Variants in SELENON observed in about 807,000 individuals in gnomAD.
The protein encoded by SELENON is selenoprotein N.
In SELENON, 44 loss-of-function variants were observed where a neutral mutation model predicts 59.5. The ratio of observed to expected loss-of-function variants is 0.74; its 90% CI spans 0.58 to 0.95. SELENON has a LOEUF of 0.95. Ranked by LOEUF, SELENON falls within the 40% of genes least tolerant of loss-of-function variation. The pLI is 0.00. For missense variants in SELENON, 674 were observed against 721.4 expected (o/e 0.93, Z 0.75); for synonymous variants, 320 against 305.6 (o/e 1.05, Z -0.49).
chr1:25,803,358 C>G (rs1381890153), intron 3 of SELENON, among the ~76,000 whole-genome samples: 1 of 152,012 alleles, frequency 6.6e-6, no homozygotes, highest in Non-Finnish European at 1.5e-5. Flanking sequence ...AAAAATGGAC[C>G]AAGTATTGAG....
Position 25,811,816 on chromosome 1 carries a change from G to T in SELENON, c.1218G>T (p.Gln406His). 6.3e-7 allele frequency: 1 copy of T among 1,586,320 alleles called. No individual in the cohort carries two copies. ...TTGTGTTTGAGGAGATCAAGTGGCA[G>T]CAGGAGCTGAGCTGGGAGGAGGCTG... Residue 406 changes from glutamine (Q) to histidine (H), a missense_variant, in exon 9 of 13, where the codon CAG becomes CAT. Coordinates refer to ENST00000361547, the MANE Select transcript of SELENON (RefSeq NM_020451.3).
Position 25,811,476 on chromosome 1 carries a change from T to C in SELENON, c.1033T>C (p.Trp345Arg). The change falls in exon 8 of 13, where the codon TGG becomes CGG. Residue 345 changes from tryptophan to arginine, a missense_variant. By Grantham distance (101) the Trp-to-Arg change is moderately radical (BLOSUM62 -3). Coordinates refer to ENST00000361547, the MANE Select transcript of SELENON (RefSeq NM_020451.3). The stretch of plus-strand genomic sequence containing the variant: ...CAGGTCTCTGAATGTGGACATGGAG[T>C]GGCTTTACGGGGCCAGTGAAAGCAG... 1 of 1,613,914 alleles carries C rather than the reference T, an allele frequency of 6.2e-7. No individual in the cohort carries two copies.
chr1:25,802,349 T>A (rs1163853526), intron 3 of SELENON, among the ~76,000 whole-genome samples: 1 of 152,010 alleles, frequency 6.6e-6, no homozygotes, highest in Non-Finnish European at 1.5e-5. Context: ...CAGATTTCTA[T>A]TCCATTCTTT....
At position 25,800,249 on chromosome 1, in the gene SELENON, G is replaced by T. The variant is rs1287268024; in HGVS notation, c.19G>T (p.Gly7Cys). ...CGCAGCCATGGGCCGGGCCCGGCCG[G>T]GCCAACGCGGGCCGCCCAGCCCCGG... The change falls in exon 1 of 13, where the codon GGC becomes TGC. Residue 7 changes from glycine to cysteine, a missense_variant. Transcript: ENST00000361547. 3 of 897,674 alleles carry T rather than the reference G, an allele frequency of 3.3e-6. No individual in the cohort carries two copies. The highest frequency in any genetic ancestry group is 6.4e-5 in the Admixed American group (1 of 15,578). The allele number at this position is 897,674 out of a possible 1,614,324, so 55.6% of individuals were successfully genotyped here. A position where few individuals can be genotyped will look rare whatever the true frequency, so the allele number is the denominator to read the frequency against.
chr1:25,809,150 G>A lies in SELENON; in HGVS notation c.872G>A (p.Arg291Gln), dbSNP rs199564797. 1.2e-5 allele frequency: 20 copies of A among 1,613,554 alleles called. No individual in the cohort carries two copies. The highest frequency in any genetic ancestry group is 2.7e-5 in the African/African-American group (2 of 74,942). Residue 291 changes from arginine (R) to glutamine (Q), a missense_variant and splice_region_variant, in exon 6 of 13, where the codon CGG becomes CAG. Coordinates refer to ENST00000361547, the MANE Select transcript of SELENON (RefSeq NM_020451.3). ...GACTTCTACTACACTGTGATGTTCC[G>A]GTGAGTGGGCCACACTGGCTGGCCT... is the stretch of plus-strand genomic sequence containing the variant.
rs775713184 is a variant in SELENON, at chr1:25,808,607, C to T, written c.565C>T (p.Arg189Ter). The stretch of plus-strand genomic sequence containing the variant: ...CTCCCGCCTCGCCCTGTCCGGCCTC[C>T]GAAACTGGACAGCCGCCGCCTCACC... Residue 189 changes from arginine (R) to a stop codon, truncating the protein, a stop_gained, in exon 5 of 13, where the codon CGA becomes TGA. Coordinates refer to ENST00000361547, the MANE Select transcript of SELENON (RefSeq NM_020451.3). LOFTEE classifies it high-confidence loss of function. The T allele has an allele frequency of 6.8e-6, 11 of 1,613,628 alleles. No individual in the cohort carries two copies. The East Asian group carries it at 8.9e-5, about 13-fold the overall frequency.
rs776498599 is a variant in SELENON at position 25,801,071 on chromosome 1, A to G, written c.212A>G (p.Asp71Gly). 1 of 1,614,114 alleles carries G rather than the reference A, an allele frequency of 6.2e-7. No homozygotes were observed. The highest frequency in any genetic ancestry group is 8.5e-7 in the Non-Finnish European group (1 of 1,179,996). ...CTGGCGCTGAAGACCCTGGGGACAGATGGCCTTTTTCTCTTTTCCTCCTTG... is the reference window on the plus strand; with the variant it reads ...CTGGCGCTGAAGACCCTGGGGACAGGTGGCCTTTTTCTCTTTTCCTCCTTG... Residue 71 changes from aspartate to glycine, a missense_variant, in exon 2 of 13, where the codon GAT becomes GGT. Transcript: ENST00000361547.
chr1:25,814,019 G>C (rs2047988550), intron 11 of SELENON, 26 bp downstream of exon 10: 1 of 1,612,182 alleles, frequency 6.2e-7, no homozygotes, highest in African/African-American at 1.3e-5. Context: ...GCAGGAACAG[G>C]AGCGTCCGGA....
intron 2 of SELENON, 34 bp downstream of exon 2, chr1:25,801,194 C>T (rs1413849561): frequency 6.4e-7 from 1 of 1,554,346 alleles, no homozygotes; most frequent in South Asian, 1.1e-5. Context: ...GGGAGGAGGG[C>T]GCCTTGGCCA....
chr1:25,805,432 C>T (rs1304792652), intron 4 of SELENON, among the ~76,000 whole-genome samples, 157 bp downstream of exon 3: 1 of 152,212 alleles, frequency 6.6e-6, no homozygotes, highest in Non-Finnish European at 1.5e-5. Context: ...TCCAGGCATA[C>T]AGCCTGCTGG....
chr1:25,815,519 C>T, intron 12 of SELENON, 29 bp from the exon 12 acceptor site: 1 of 1,612,746 alleles, frequency 6.2e-7, no homozygotes, highest in Non-Finnish European at 8.5e-7. Context: ...CCCCTCCGCC[C>T]CACTTGCCTC....
intron 2 of SELENON, chr1:25,801,935 A>T (rs768698537): frequency 4.7e-6 from 1 of 213,040 alleles, no homozygotes. Flanking sequence ...GTTTCAGTAG[A>T]GAAAAGAAAT....
chr1:25,803,983 A>T (rs2047881343), intron 3 of SELENON, among the ~76,000 whole-genome samples: 1 of 152,210 alleles, frequency 6.6e-6, no homozygotes, highest in African/African-American at 2.4e-5. Context: ...GATTACAGGC[A>T]TGAGCTGCCT....
At chr1:25,811,059 T>C (rs889154682) in intron 7 of SELENON, among the ~76,000 whole-genome samples, 1 of 152,226 alleles carries the variant, frequency 6.6e-6, no homozygotes, top group Non-Finnish European at 1.5e-5. Context: ...GGCTCAGATT[T>C]CCTGCTGCCC....
chr1:25,802,159 T>A (rs946602966), intron 3 of SELENON: 1 of 219,374 alleles, frequency 4.6e-6, no homozygotes, highest in African/African-American at 2.4e-5. Flanking sequence ...CCCAGCTGAT[T>A]TTTCTATTTT....
At chr1:25,810,345 C>T (rs2047947487) in intron 7 of SELENON, among the ~76,000 whole-genome samples, 3 of 152,378 alleles carry the variant, frequency 2.0e-5, no homozygotes, top group South Asian at 2.1e-4. Context: ...GACGGTGCTA[C>T]ACCAGCCACC....
rs1258100884 is a variant in SELENON, at chr1:25,817,794, T to G, written c.*2076T>G. The G allele has an allele frequency of 6.6e-6, 1 of 152,312 alleles. No individual in the cohort carries two copies. The highest frequency in any genetic ancestry group is 6.5e-5 in the Admixed American group (1 of 15,292). 9.4% of individuals were successfully genotyped at this position (152,312 alleles called of 1,614,324 possible). On this transcript the variant is annotated 3_prime_UTR_variant, in exon 13 of 13. Coordinates refer to ENST00000361547, the MANE Select transcript of SELENON (RefSeq NM_020451.3). Reference sequence around the variant, plus strand: ...TCCCCAAAGTGGAAAGGAAGGCCTTTCAAACCAGAGTGTCTCACTCCCCTC... The same window carrying G: ...TCCCCAAAGTGGAAAGGAAGGCCTTGCAAACCAGAGTGTCTCACTCCCCTC...
Position 25,815,785 on chromosome 1 carries a change from T to A in SELENON, c.*67T>A. 3 of 1,560,010 alleles carry A rather than the reference T, an allele frequency of 1.9e-6. No individual in the cohort carries two copies. Among genetic ancestry groups the A allele is most frequent in the Middle Eastern group, 3.9e-4 (2 of 5,158 alleles). On this transcript the variant is annotated 3_prime_UTR_variant, in exon 13 of 13. Transcript: ENST00000361547. ...GAGCCAGAGTGGTCCTCAGCCCATTTCAGACTGCAGATGCCGCCCACTCCC... is the reference window on the plus strand; with the variant it reads ...GAGCCAGAGTGGTCCTCAGCCCATTACAGACTGCAGATGCCGCCCACTCCC...
At chr1:25,808,958 C>A in intron 5 of SELENON, 68 bp from the exon 5 acceptor site, 1 of 1,610,444 alleles carries the variant, frequency 6.2e-7, no homozygotes. Context: ...TCTGGGCTGA[C>A]CCCCACCCCA....
Sources: gnomAD v4.1 joint callset for allele counts (sites outside exome capture counted in the v4.1 genomes callset) on GRCh38, gnomAD v4.1.1 for gene constraint, MANE v1.5 for transcripts, NCBI Gene and HGNC (gene_info 2026-07-23, HGNC 2026-07-21) for gene names.